FLNC: variants seen among roughly 807,000 people sequenced by gnomAD.
The protein encoded by FLNC is filamin C.
FLNC carries 91 observed loss-of-function variants against 254.3 expected under a neutral mutation model. That is an observed-to-expected ratio of 0.36 (90% CI 0.30 to 0.43). The LOEUF is 0.43. Ranked by LOEUF, FLNC falls within the 20% of genes least tolerant of loss-of-function variation. The probability of loss-of-function intolerance (pLI) is 1.00; values close to 1 mark genes in which losing one functional copy is unlikely to be tolerated. For synonymous variants in FLNC, 1,430 were observed against 1,577.2 expected, an observed-to-expected ratio of 0.91 and a Z score of 2.21; for missense variants, 2,853 against 3,802.6, an observed-to-expected ratio of 0.75 and a Z score of 6.57.
chr7:128,841,080 G>GA lies in FLNC; in HGVS notation c.1814-89dup. The GA allele has an allele frequency of 5.7e-6, 9 of 1,576,082 alleles. No individual in the cohort carries two copies. In the South Asian group the frequency reaches 1.0e-4, roughly 18 times the overall value. ...TGGGGAGCGCTGGGGTGAGCAGGGAGATAGGACATGAGGGCAGCTAGAGGG... is the reference window on the plus strand; with the variant it reads ...TGGGGAGCGCTGGGGTGAGCAGGGAGAATAGGACATGAGGGCAGCTAGAGGG... On this transcript the variant is annotated intron_variant, in intron 11 of 47. Transcript: ENST00000325888. The surrounding 1 kb of genome is among the most constrained non-coding windows in gnomAD (Gnocchi z 4.3).
chr7:128,850,238 T>C lies in FLNC; in HGVS notation c.5299-146T>C, dbSNP rs925585712. 1.8e-4 allele frequency: 166 copies of C among 930,244 alleles called. 4 individuals carry two copies. Among genetic ancestry groups the C allele is most frequent in the South Asian group, 1.2e-3 (88 of 74,168 alleles). The allele number at this position is 930,244 out of a possible 1,614,324, so 57.6% of individuals were successfully genotyped here. A position where few individuals can be genotyped will look rare whatever the true frequency, so the allele number is the denominator to read the frequency against. ...AACCCCACTTGGGCACAGCACTCCT[T>C]CTCTTGCAGCTGACGCACCTCTCCT... On this transcript the variant is annotated intron_variant, in intron 31 of 47. Transcript: ENST00000325888.
chr7:128,842,786 C>G lies in FLNC; in HGVS notation c.2390-8C>G, dbSNP rs146063718. On this transcript the variant is annotated splice_region_variant and splice_polypyrimidine_tract_variant and intron_variant, in intron 15 of 47. Coordinates refer to ENST00000325888, the MANE Select transcript of FLNC (RefSeq NM_001458.5). This position sits in a 1 kb window ranked among gnomAD's most constrained non-coding sequence, Gnocchi z 5.4. ...GCCCAACTCACAGCAGTGCCCGCTT[C>G]TCTGCAGGCGACGTGAGCATCGGCA... The G allele has an allele frequency of 4.2e-4, 683 of 1,613,326 alleles. No homozygotes were observed. The highest frequency in any genetic ancestry group is 4.2e-4 in the Non-Finnish European group (494 of 1,179,928).
chr7:128,838,597 C>T lies in FLNC; in HGVS notation c.1211-6C>T, dbSNP rs745834917. The T allele has an allele frequency of 3.0e-5, 48 of 1,612,812 alleles. No individual in the cohort carries two copies. Among genetic ancestry groups the T allele is most frequent in the South Asian group, 2.0e-4 (18 of 91,078 alleles). ...GAGTGGTGCTGACAGCCTCTGTTTT[C>T]GGCAGGGGCCGGCACTGGCGATGTT... On this transcript the variant is annotated splice_region_variant and splice_polypyrimidine_tract_variant and intron_variant, in intron 7 of 47. Transcript: ENST00000325888.
Position 128,843,992 on chromosome 7 carries a change from C to CCCT in FLNC, c.2930-9_2930-7dup, listed in dbSNP as rs1396170843. 2 of 1,614,150 alleles carry CCCT rather than the reference C, an allele frequency of 1.2e-6. No homozygotes were observed. Among genetic ancestry groups the CCCT allele is most frequent in the Admixed American group, 1.7e-5 (1 of 60,032 alleles). On this transcript the variant is annotated splice_polypyrimidine_tract_variant and intron_variant, in intron 19 of 47. Coordinates refer to ENST00000325888, the MANE Select transcript of FLNC (RefSeq NM_001458.5). Reference sequence around the variant, plus strand: ...CGGAGTCTCCTCATGGTGTCACTTGCCCTCCACGCAGAGGTGGCTGTGGGA... The same window carrying CCCT: ...CGGAGTCTCCTCATGGTGTCACTTGCCCTCCTCCACGCAGAGGTGGCTGTGGGA...
At position 128,840,610 on chromosome 7, in the gene FLNC, T is replaced by C. The variant is rs1302580254; in HGVS notation, c.1612T>C (p.Tyr538His). The C allele has an allele frequency of 6.2e-7, 1 of 1,614,228 alleles. No individual in the cohort carries two copies. Among genetic ancestry groups the C allele is most frequent in the Non-Finnish European group, 8.5e-7 (1 of 1,180,036 alleles). Reference sequence around the variant, plus strand: ...GGATGGTGTGTTCGAGTGCGAGTACTACCCGGTGGTGCCTGGGAAGTATGT... The same window carrying C: ...GGATGGTGTGTTCGAGTGCGAGTACCACCCGGTGGTGCCTGGGAAGTATGT... The part of the protein sequence containing the change: ...AGDGVFECEY[Y>H]PVVPGKYVVT... Residue 538 changes from tyrosine (Y) to histidine (H), a missense_variant, in exon 10 of 48, where the codon TAC becomes CAC. Transcript: ENST00000325888.
At position 128,841,007 on chromosome 7, in the gene FLNC, G is replaced by C. The variant is rs769263420; in HGVS notation, c.1813+37G>C. ...GGGGGCAGGAGGAGGGAGTGCTGCG[G>C]GGGAGGGCAGCAGGGGACACTGTGG... On this transcript the variant is annotated intron_variant, in intron 11 of 47. Coordinates refer to ENST00000325888, the MANE Select transcript of FLNC (RefSeq NM_001458.5). The surrounding 1 kb of genome is among the most constrained non-coding windows in gnomAD (Gnocchi z 4.3). 1.3e-5 allele frequency: 21 copies of C among 1,573,792 alleles called. No homozygotes were observed. The highest frequency in any genetic ancestry group is 1.7e-5 in the Non-Finnish European group (20 of 1,158,158).
In FLNC at chr7:128,844,260, C is replaced by T. The variant is rs749902294; in HGVS notation, c.3186C>T (p.Pro1062=). The T allele has an allele frequency of 3.7e-6, 6 of 1,604,910 alleles. No homozygotes were observed. In the African/African-American group the frequency reaches 6.7e-5, roughly 18 times the overall value. Reference sequence around the variant, plus strand: ...TGGAGGGTGTCCTGCCCCCTGATCCCTCCAAGGTGAGGAGATAGGAGCTGG... The same window carrying T: ...TGGAGGGTGTCCTGCCCCCTGATCCTTCCAAGGTGAGGAGATAGGAGCTGG... ...FAVEGVLPPD[P]SKVCAYGPGL... is the part of the protein sequence containing the mutation. Residue 1062 remains proline (P), a synonymous_variant, in exon 20 of 48, where the codon CCC becomes CCT. Coordinates refer to ENST00000325888, the MANE Select transcript of FLNC (RefSeq NM_001458.5).
Position 128,838,014 on chromosome 7 carries a change from G to A in FLNC, c.997G>A (p.Asp333Asn). 1.9e-6 allele frequency: 3 copies of A among 1,614,056 alleles called. No individual in the cohort carries two copies. The highest frequency in any genetic ancestry group is 2.5e-6 in the Non-Finnish European group (3 of 1,179,962). Reference sequence around the variant, plus strand: ...TAAGGTGGTTCCCAACAATGACAAGGATCGCACCTATGCTGTCTCCTATGT... The same window carrying A: ...TAAGGTGGTTCCCAACAATGACAAGAATCGCACCTATGCTGTCTCCTATGT... ...EAKVVPNNDKDRTYAVSYVPK... is the reference protein window; with the variant it reads ...EAKVVPNNDKNRTYAVSYVPK... Residue 333 changes from aspartate to asparagine, a missense_variant, in exon 6 of 48, where the codon GAT becomes AAT. This residue lies in a region of FLNC where 1,573 missense variants were observed against 1,883.5 expected (regional missense o/e 0.84). Transcript: ENST00000325888.
At chr7:128,850,965 G>GCTGGC in intron 33 of FLNC, 22 bp downstream of exon 33, 1 of 1,613,150 alleles carries the variant, frequency 6.2e-7, no homozygotes, top group East Asian at 2.2e-5. Flanking sequence ...GCTGGGCTGG[G>GCTGGC]CTGGGGCTTG....
At chr7:128,833,289 C>T (rs932284864) in intron 1 of FLNC, among the ~76,000 whole-genome samples, 12 of 152,224 alleles carry the variant, frequency 7.9e-5, no homozygotes, top group Non-Finnish European at 1.5e-4. Context: ...CAGCACCTCC[C>T]TAGGCCCAGC....
Position 128,858,201 on chromosome 7 carries a change from G to A in FLNC, c.7974G>A (p.Val2658=). The A allele has an allele frequency of 1.3e-6, 2 of 1,496,128 alleles. No individual in the cohort carries two copies. The highest frequency in any genetic ancestry group is 1.9e-6 in the Non-Finnish European group (2 of 1,073,522). 92.7% of individuals were successfully genotyped at this position (1,496,128 alleles called of 1,614,324 possible). ...TGGGCCAGAAGAACTCCTTCACCGT[G>A]GACTGCAGCAAAGCAGGCAGGTGGC... is the stretch of plus-strand genomic sequence containing the variant. ...AFVGQKNSFT[V]DCSKAGTNMM... Residue 2658 remains valine, a synonymous_variant, in exon 47 of 48, where the codon GTG becomes GTA. Transcript: ENST00000325888. The surrounding 1 kb of genome is among the most constrained non-coding windows in gnomAD (Gnocchi z 6.7).
intron 39 of FLNC, 29 bp downstream of exon 39, chr7:128,853,866 C>T (rs897029589): frequency 1.0e-5 from 16 of 1,607,656 alleles, no homozygotes; most frequent in Admixed American, 5.0e-5. Flanking sequence ...CTGGGTGGGG[C>T]GGGTGGTGGG....
chr7:128,832,012 G>A (rs940688643), intron 1 of FLNC, among the ~76,000 whole-genome samples: 1 of 151,838 alleles, frequency 6.6e-6, no homozygotes, highest in African/African-American at 2.4e-5. Flanking sequence ...TGCACCCCAC[G>A]GCCCCAGGAG....
Position 128,845,254 on chromosome 7 carries a change from C to A in FLNC, c.3789C>A (p.His1263Gln). The part of the protein sequence containing the change: ...VKVSGPGVEP[H>Q]GVLREVTTEF... ...TCTCAGGGCCTGGTGTTGAGCCACACGGTGAGTGGACAGGAGGAGCCAAGA... is the reference window on the plus strand; with the variant it reads ...TCTCAGGGCCTGGTGTTGAGCCACAAGGTGAGTGGACAGGAGGAGCCAAGA... Residue 1263 changes from histidine to glutamine, a missense_variant and splice_region_variant, in exon 21 of 48, where the codon CAC (histidine) becomes CAA (glutamine). Around this residue, in one of 10 missense-constraint regions of FLNC, gnomAD observed 1,573 missense variants for 1,883.5 expected, o/e 0.84. Transcript: ENST00000325888. The A allele has an allele frequency of 6.2e-7, 1 of 1,611,400 alleles. No homozygotes were observed. The highest frequency in any genetic ancestry group is 8.5e-7 in the Non-Finnish European group (1 of 1,178,406).
rs1808591393 is a variant in FLNC, at chr7:128,846,892, G to A, written c.4275G>A (p.Gly1425=). The change falls in exon 24 of 48, where the codon GGG becomes GGA. Residue 1425 remains glycine, a synonymous_variant. Transcript: ENST00000325888. The part of the protein sequence containing the change: ...GDYDVNITFG[G]RPIPGSPFRV... ...ATGACGTCAACATCACCTTCGGGGG[G>A]CGGCCCATCCCAGGTGTGCAGAGAG... The A allele has an allele frequency of 6.2e-7, 1 of 1,614,186 alleles. No individual in the cohort carries two copies. Among genetic ancestry groups the A allele is most frequent in the East Asian group, 2.2e-5 (1 of 44,888 alleles).
Position 128,854,480 on chromosome 7 carries a change from G to C in FLNC, c.6795G>C (p.Glu2265Asp), listed in dbSNP as rs1466135048. The C allele has an allele frequency of 6.2e-7, 1 of 1,607,830 alleles. No homozygotes were observed. The highest frequency in any genetic ancestry group is 8.5e-7 in the Non-Finnish European group (1 of 1,177,580). ...TSPSGKVEAA[E>D]IVEGEDSAYS... ...CATCGGGCAAGGTGGAAGCCGCAGA[G>C]ATCGTCGAGGGCGAGGACAGCGCCT... The change falls in exon 41 of 48, where the codon GAG becomes GAC. Residue 2265 changes from glutamate (E) to aspartate (D), a missense_variant. By Grantham distance (45) the Glu-to-Asp change is conservative. Coordinates refer to ENST00000325888, the MANE Select transcript of FLNC (RefSeq NM_001458.5).
At position 128,848,074 on chromosome 7, in the gene FLNC, G is replaced by T. The variant is rs1183652656; in HGVS notation, c.4580+6G>T. 1.2e-6 allele frequency: 2 copies of T among 1,600,126 alleles called. No homozygotes were observed. Among genetic ancestry groups the T allele is most frequent in the African/African-American group, 1.3e-5 (1 of 74,578 alleles). On this transcript the variant is annotated splice_donor_region_variant and intron_variant, in intron 26 of 47. Transcript: ENST00000325888. ...GACCAGGAGGTGCCACGCAGGTGAG[G>T]ACCAGCCCTGGGCTCCTGTGCTGCG...
In FLNC at chr7:128,852,993, T is replaced by C. The variant is rs1554400996; in HGVS notation, c.6170T>C (p.Phe2057Ser). ...AAGGGGCTTTCCGAGGGACACACAT[T>C]CCAGGTGGCAGAGTTCATCGTGGAC... is the stretch of plus-strand genomic sequence containing the variant. ...WGKGLSEGHT[F>S]QVAEFIVDTR... The change falls in exon 37 of 48, where the codon TTC becomes TCC. Residue 2057 changes from phenylalanine (F) to serine (S), a missense_variant. Around this residue, in one of 10 missense-constraint regions of FLNC, gnomAD observed 551 missense variants for 835.0 expected, o/e 0.66. Transcript: ENST00000325888. 6.2e-7 allele frequency: 1 copy of C among 1,613,310 alleles called. No homozygotes were observed. The highest frequency in any genetic ancestry group is 1.7e-5 in the Admixed American group (1 of 60,028).
chr7:128,838,515 C>A, intron 7 of FLNC, 86 bp downstream of exon 7: 1 of 1,592,052 alleles, frequency 6.3e-7, no homozygotes, highest in Non-Finnish European at 8.6e-7. Flanking sequence ...GACAGGGATG[C>A]CAGCCAGAGG....
Sources: gnomAD v4.1 joint callset for allele counts (sites outside exome capture counted in the v4.1 genomes callset) on GRCh38, gnomAD v4.1.1 for gene constraint, gnomAD v4.1.1 regional missense constraint, Gnocchi (gnomAD v3.1) non-coding constraint, MANE v1.5 for transcripts, NCBI Gene and HGNC (gene_info 2026-07-23, HGNC 2026-07-21) for gene names.